PTK2: variants seen among roughly 807,000 people sequenced by gnomAD.
PTK2 encodes the protein focal adhesion kinase 1.
PTK2 carries 45 observed loss-of-function variants against 150.1 expected under a neutral mutation model. That is an observed-to-expected ratio of 0.30 (90% CI 0.24 to 0.38). The LOEUF (loss-of-function observed/expected upper bound fraction) is 0.38. PTK2 is among the 10% of genes least tolerant of loss of function. The pLI is 1.00. For missense variants in PTK2, 919 were observed against 1,307.3 expected (o/e 0.70, Z 4.58); for synonymous variants, 432 against 449.2 (o/e 0.96, Z 0.48).
intron 20 of PTK2, among the ~76,000 whole-genome samples, chr8:140,741,465 T>A (rs929077908): frequency 3.5e-4 from 52 of 149,668 alleles, no homozygotes; most frequent in African/African-American, 2.7e-4. Flanking sequence ...AAAAAAAAAA[T>A]AATAATAATA....
intron 1 of PTK2, among the ~76,000 whole-genome samples, chr8:140,983,113 G>A (rs1452282545): frequency 2.0e-5 from 3 of 152,132 alleles, no homozygotes; most frequent in Non-Finnish European, 4.4e-5. Context: ...TAGGCCGGGT[G>A]TGGTGGCTCA....
Position 140,924,082 on chromosome 8 carries a change from C to G in PTK2, c.-33+1579G>C, listed in dbSNP as rs138470541. 2.0e-3 allele frequency among the ~76,000 whole-genome samples: 301 copies of G among 152,246 alleles called. 2 individuals are homozygous for G. Among genetic ancestry groups the G allele is most frequent in the African/African-American group, 7.0e-3 (290 of 41,544 alleles). On this transcript the variant is annotated intron_variant, in intron 2 of 31. Coordinates refer to ENST00000522684, the Ensembl canonical transcript of PTK2. ...CTGTAAGGCCGTGCGTGATATGGCT[C>G]CCCTCTATCGCCAAGGATCCCCTAG...
chr8:140,940,742 T>C (rs1992889), intron 1 of PTK2: 63,505 of 152,004 alleles, frequency 0.42, 15,187 homozygotes, highest in Non-Finnish European at 0.55. Flanking sequence ...TTTGGGAGGC[T>C]GAGGCAGGCA....
chr8:140,856,093 T>C (rs1365035757), intron 5 of PTK2, among the ~76,000 whole-genome samples: 1 of 152,142 alleles, frequency 6.6e-6, no homozygotes, highest in East Asian at 1.9e-4. Flanking sequence ...AAACAATGAT[T>C]ATTAGTTGGT....
chr8:140,717,811 A>G, intron 22 of PTK2, 102 bp from the exon 26 acceptor site: 1 of 848,476 alleles, frequency 1.2e-6, no homozygotes, highest in South Asian at 1.4e-5. Flanking sequence ...GGCTAACAGT[A>G]GATGATAACA....
chr8:140,929,059 G>A (rs1411164240), intron 1 of PTK2, among the ~76,000 whole-genome samples: 8 of 126,830 alleles, frequency 6.3e-5, no homozygotes, highest in East Asian at 2.8e-4. Context: ...TCCGCCTCCC[G>A]GGTTCACGCC....
chr8:140,965,340 T>G (rs1205790076), intron 1 of PTK2, among the ~76,000 whole-genome samples: 1 of 152,178 alleles, frequency 6.6e-6, no homozygotes, highest in African/African-American at 2.4e-5. Flanking sequence ...TAACTTGATG[T>G]ACATGTGGTA....
intron 1 of PTK2, among the ~76,000 whole-genome samples, chr8:140,949,909 G>C (rs913447217): frequency 2.6e-5 from 4 of 152,100 alleles, no homozygotes; most frequent in Admixed American, 6.5e-5. Context: ...TGCTTTTTCC[G>C]GGCCTGCCCA....
intron 26 of PTK2, among the ~76,000 whole-genome samples, chr8:140,693,495 G>C (rs2153900993): frequency 7.0e-6 from 1 of 143,368 alleles, no homozygotes; most frequent in South Asian, 2.3e-4. Flanking sequence ...CAGGAGGTTA[G>C]GGATGCAGTG....
intron 29 of PTK2, 174 bp from the exon 33 acceptor site, chr8:140,669,909 T>G (rs1589159540): frequency 1.5e-6 from 1 of 688,592 alleles, no homozygotes; most frequent in Non-Finnish European, 2.5e-6. Context: ...GTTGCCAGGG[T>G]GTGGCTACTG....
At chr8:140,983,728 G>C (rs931262155) in intron 1 of PTK2, 1 of 151,460 alleles carries the variant, frequency 6.6e-6, no homozygotes, top group Admixed American at 6.6e-5. Context: ...GAGAGAAGAA[G>C]GGAGGGAGGG....
intron 22 of PTK2, among the ~76,000 whole-genome samples, chr8:140,726,986 C>T (rs2154343626): frequency 6.6e-6 from 1 of 152,310 alleles, no homozygotes; most frequent in East Asian, 1.9e-4. Flanking sequence ...AAAGTTTCTA[C>T]ATTTTATATG....
At chr8:140,928,556 G>A (rs1434784107) in intron 1 of PTK2, among the ~76,000 whole-genome samples, 1 of 152,142 alleles carries the variant, frequency 6.6e-6, no homozygotes, top group Non-Finnish European at 1.5e-5. Flanking sequence ...AAGTAACCCA[G>A]GTGTTCATCC....
At chr8:140,714,796 CAAAA>C (rs398010102) in intron 23 of PTK2, among the ~76,000 whole-genome samples, 5 of 46,862 alleles carry the variant, frequency 1.1e-4, no homozygotes, top group African/African-American at 1.8e-4. Flanking sequence ...GGCTCTGTCT[CAAAA>C]AAAAAAAAAA....
intron 10 of PTK2, among the ~76,000 whole-genome samples, chr8:140,812,248 T>C (rs957814313): frequency 6.6e-6 from 1 of 152,188 alleles, no homozygotes; most frequent in African/African-American, 2.4e-5. Context: ...GGGGCCAACA[T>C]TCAACATTCT....
chr8:140,865,025 A>G (rs2100138457), intron 4 of PTK2, among the ~76,000 whole-genome samples: 1 of 152,214 alleles, frequency 6.6e-6, no homozygotes, highest in Non-Finnish European at 1.5e-5. Context: ...TCAAACTCCC[A>G]CCAACAGCAT....
At chr8:140,752,197 CA>C in intron 17 of PTK2, 34 bp downstream of exon 20, 1 of 1,533,912 alleles carries the variant, frequency 6.5e-7, no homozygotes, top group Non-Finnish European at 9.0e-7. Flanking sequence ...GATAGAAAGT[CA>C]AATGGAGTTC....
intron 26 of PTK2, among the ~76,000 whole-genome samples, chr8:140,698,105 GCTAT>G (rs1164036149): frequency 6.6e-6 from 1 of 152,024 alleles, no homozygotes; most frequent in East Asian, 1.9e-4. Flanking sequence ...TGGCTCAAAT[GCTAT>G]CTATACTCTG....
chr8:140,940,078 C>G (rs1324806295), intron 1 of PTK2, among the ~76,000 whole-genome samples: 1 of 152,204 alleles, frequency 6.6e-6, no homozygotes, highest in African/African-American at 2.4e-5. Flanking sequence ...TCACTCATCA[C>G]TAGCTCCAGC....
Sources: allele counts gnomAD v4.1 joint callset (sites outside exome capture counted in the v4.1 genomes callset), GRCh38; gene constraint gnomAD v4.1.1; transcripts MANE v1.5; gene names NCBI Gene and HGNC (gene_info 2026-07-23, HGNC 2026-07-21).